Variants in R3HDM1 observed in about 807,000 individuals in gnomAD.
R3HDM1 encodes the protein R3H domain-containing protein 1.
In R3HDM1, 46 loss-of-function variants were observed where a neutral mutation model predicts 141.1. The ratio of observed to expected loss-of-function variants is 0.33; its 90% CI spans 0.26 to 0.42. R3HDM1 has a LOEUF of 0.42. Among genes scored for constraint, R3HDM1 ranks in the 10% least tolerant of loss-of-function variants. The pLI is 1.00. For missense variants in R3HDM1, 1,184 were observed against 1,368.3 expected (o/e 0.87, Z 2.12); for synonymous variants, 435 against 472.9 (o/e 0.92, Z 1.04).
intron 1 of R3HDM1, among the ~76,000 whole-genome samples, chr2:135,594,979 C>G (rs1008259434): frequency 6.7e-6 from 1 of 148,394 alleles, no homozygotes; most frequent in Non-Finnish European, 1.5e-5. Context: ...GATTCTACAC[C>G]CCCCCCCCTT....
At chr2:135,562,265 T>C (rs1474606952) in intron 1 of R3HDM1, among the ~76,000 whole-genome samples, 7 of 152,238 alleles carry the variant, frequency 4.6e-5, no homozygotes, top group Non-Finnish European at 1.0e-4. Flanking sequence ...CCAACATCTT[T>C]CAGTTATGTG....
At chr2:135,707,907 C>T (rs189826884) in intron 21 of R3HDM1, among the ~76,000 whole-genome samples, 4 of 152,236 alleles carry the variant, frequency 2.6e-5, no homozygotes, top group Admixed American at 6.5e-5. Flanking sequence ...TTTATTGAAC[C>T]GCTCTGAGTT....
chr2:135,654,608 C>G (rs1487113304), intron 18 of R3HDM1, among the ~76,000 whole-genome samples: 1 of 152,062 alleles, frequency 6.6e-6, no homozygotes, highest in East Asian at 1.9e-4. Flanking sequence ...GCCACCATGC[C>G]CAACTAATTT....
intron 3 of R3HDM1, among the ~76,000 whole-genome samples, chr2:135,608,903 A>G (rs2060296728): frequency 6.6e-6 from 1 of 152,246 alleles, no homozygotes; most frequent in Admixed American, 6.5e-5. Flanking sequence ...GCATAGTAAT[A>G]TTTAAAGTGA....
In R3HDM1 at chr2:135,716,624, G is replaced by A. The variant is rs576817486; in HGVS notation, c.2881+930G>A. ...TTAAATTATGGTATATTCATACAAG[G>A]AATATTATGTAGCTATCTAAAGAAT... On this transcript the variant is annotated intron_variant, in intron 24 of 26. Transcript: ENST00000683871. 2.0e-5 allele frequency among the ~76,000 whole-genome samples: 3 copies of A among 152,222 alleles called. No homozygotes were observed. In the South Asian group the frequency reaches 6.2e-4, roughly 32 times the overall value.
At chr2:135,546,202 A>G (rs1471166496) in intron 1 of R3HDM1, among the ~76,000 whole-genome samples, 1 of 152,154 alleles carries the variant, frequency 6.6e-6, no homozygotes, top group African/African-American at 2.4e-5. Flanking sequence ...TTACCAGATA[A>G]ATTTTTGTTC....
At chr2:135,696,832 G>A (rs2073321465) in intron 21 of R3HDM1, among the ~76,000 whole-genome samples, 2 of 152,088 alleles carry the variant, frequency 1.3e-5, no homozygotes, top group South Asian at 2.1e-4. Flanking sequence ...TTTGGATAAA[G>A]TGAAAAGAAA....
At chr2:135,574,345 T>G (rs944101189) in intron 1 of R3HDM1, among the ~76,000 whole-genome samples, 3 of 152,190 alleles carry the variant, frequency 2.0e-5, no homozygotes, top group Admixed American at 1.3e-4. Context: ...ATAAAAGAAA[T>G]AATTCTTCTA....
intron 21 of R3HDM1, among the ~76,000 whole-genome samples, chr2:135,702,466 C>T (rs1351282207): frequency 6.6e-6 from 1 of 151,968 alleles, no homozygotes; most frequent in Non-Finnish European, 1.5e-5. Context: ...CGAGACCATC[C>T]TGGCTAACAC....
rs142094717 is a variant in R3HDM1, at chr2:135,612,947, A to G, written c.172-3205A>G. ...ATGTATGGCATATTTTCTAGTACAT[A>G]TAATTTCTATTTGCTGTTTGAAAGG... On this transcript the variant is annotated intron_variant, in intron 3 of 26. Coordinates refer to ENST00000683871, the MANE Select transcript of R3HDM1 (RefSeq NM_001378107.1). 5.5e-3 allele frequency among the ~76,000 whole-genome samples: 832 copies of G among 152,356 alleles called. 8 individuals carry two copies. Among genetic ancestry groups the G allele is most frequent in the African/African-American group, 0.017 (697 of 41,588 alleles).
In R3HDM1 at chr2:135,651,819, G is replaced by T; in HGVS notation, c.1815G>T (p.Gln605His). The change falls in exon 18 of 27, where the codon CAG (glutamine) becomes CAT (histidine). Residue 605 changes from glutamine (Q) to histidine (H), a missense_variant. By Grantham distance (24) the Gln-to-His change is conservative. Transcript: ENST00000683871. ...DGSDPHAAMF[Q>H]STVVLQSPQQ... The stretch of plus-strand genomic sequence containing the variant: ...CTGACCCTCATGCCGCCATGTTCCA[G>T]TCCACTGTGGTTCTTCAGTCTCCAC... 6.2e-7 allele frequency: 1 copy of T among 1,614,074 alleles called. No homozygotes were observed. Among genetic ancestry groups the T allele is most frequent in the Non-Finnish European group, 8.5e-7 (1 of 1,180,016 alleles).
At chr2:135,712,928 AT>A (rs2075816563) in intron 23 of R3HDM1, among the ~76,000 whole-genome samples, 1 of 151,976 alleles carries the variant, frequency 6.6e-6, no homozygotes, top group Non-Finnish European at 1.5e-5. Context: ...CTCAAAAAAA[AT>A]AAATAAAAAT....
At chr2:135,539,499 G>A (rs943899336) in intron 1 of R3HDM1, among the ~76,000 whole-genome samples, 4 of 152,064 alleles carry the variant, frequency 2.6e-5, no homozygotes, top group Admixed American at 6.5e-5. Flanking sequence ...TATGCAGTGC[G>A]TGATTGTATT....
At chr2:135,684,527 C>A (rs2070998585) in intron 21 of R3HDM1, among the ~76,000 whole-genome samples, 1 of 152,054 alleles carries the variant, frequency 6.6e-6, no homozygotes, top group Non-Finnish European at 1.5e-5. Flanking sequence ...TTTAAAATTA[C>A]AAAACAAATA....
chr2:135,621,725 G>A, intron 6 of R3HDM1, 117 bp downstream of exon 6: 2 of 1,329,998 alleles, frequency 1.5e-6, no homozygotes, highest in Middle Eastern at 2.8e-4. Context: ...AGAACAGACT[G>A]GAAGGATGAT....
intron 17 of R3HDM1, chr2:135,650,699 T>G: frequency 1.0e-6 from 1 of 983,780 alleles, no homozygotes; most frequent in Non-Finnish European, 1.2e-6. Context: ...AGTGTCAAAG[T>G]GACAGTTGGG....
intron 3 of R3HDM1, 148 bp downstream of exon 3, chr2:135,605,164 A>C: frequency 1.6e-6 from 1 of 624,192 alleles, no homozygotes; most frequent in South Asian, 2.2e-5. Flanking sequence ...AGCCAGTTGG[A>C]TTAGCTTGCT....
At chr2:135,532,567 A>G (rs1007665825) in intron 1 of R3HDM1, among the ~76,000 whole-genome samples, 2 of 151,854 alleles carry the variant, frequency 1.3e-5, no homozygotes, top group African/African-American at 2.4e-5. Flanking sequence ...TTCTAAATAT[A>G]TATATATATA....
At chr2:135,643,970 A>G (rs1373954163) in intron 15 of R3HDM1, among the ~76,000 whole-genome samples, 1 of 152,160 alleles carries the variant, frequency 6.6e-6, no homozygotes, top group African/African-American at 2.4e-5. Flanking sequence ...TGGAAGGTGG[A>G]GGGTGGGAGG....
Sources: allele counts gnomAD v4.1 joint callset (sites outside exome capture counted in the v4.1 genomes callset), GRCh38; gene constraint gnomAD v4.1.1; transcripts MANE v1.5; gene names NCBI Gene and HGNC (gene_info 2026-07-23, HGNC 2026-07-21).